LRRC41: variants seen among roughly 807,000 people sequenced by gnomAD.
The protein encoded by LRRC41 is leucine rich repeat containing 41.
LRRC41 carries 17 observed loss-of-function variants against 72.1 expected under a neutral mutation model. The ratio of observed to expected loss-of-function variants is 0.24; its 90% CI spans 0.16 to 0.35. LRRC41 has a LOEUF of 0.35. Among genes scored for constraint, LRRC41 ranks in the 10% least tolerant of loss-of-function variants. The pLI is 1.00. For missense variants in LRRC41, 759 were observed against 1,065.0 expected (o/e 0.71, Z 4.00); for synonymous variants, 427 against 431.0 (o/e 0.99, Z 0.11).
At chr1:46,294,441 A>G (rs1661080782) in intron 3 of LRRC41, among the ~76,000 whole-genome samples, 1 of 151,390 alleles carries the variant, frequency 6.6e-6, no homozygotes, top group Non-Finnish European at 1.5e-5. Context: ...GTGGTTTTGC[A>G]CTGTCCCCCA....
At chr1:46,290,668 A>G (rs1660991606) in intron 3 of LRRC41, among the ~76,000 whole-genome samples, 1 of 141,230 alleles carries the variant, frequency 7.1e-6, no homozygotes. Context: ...GTGCAGTGGT[A>G]CAATATTAGC....
chr1:46,290,666 G>A, intron 3 of LRRC41, among the ~76,000 whole-genome samples: 1 of 149,366 alleles, frequency 6.7e-6, no homozygotes. Context: ...GAGTGCAGTG[G>A]TACAATATTA....
chr1:46,297,945 G>T (rs1277991867), intron 2 of LRRC41, among the ~76,000 whole-genome samples: 1 of 152,204 alleles, frequency 6.6e-6, no homozygotes, highest in African/African-American at 2.4e-5. Flanking sequence ...GACAATGCTT[G>T]ACACATTAGG....
intron 3 of LRRC41, among the ~76,000 whole-genome samples, chr1:46,292,016 T>C (rs866959108): frequency 1.3e-5 from 2 of 151,762 alleles, no homozygotes; most frequent in Admixed American, 6.6e-5. Context: ...CCAGCTAATT[T>C]TTAAAAATTA....
rs367762435 is a variant in LRRC41 at position 46,286,027 on chromosome 1, C to T, written c.830G>A (p.Arg277Gln). The change falls in exon 4 of 10, where the codon CGA becomes CAA. Residue 277 changes from arginine (R) to glutamine (Q), a missense_variant. Physicochemically the swap from Arg to Gln is conservative, Grantham distance 43 (BLOSUM62 1). Coordinates refer to ENST00000617190, the MANE Select transcript of LRRC41 (RefSeq NM_006369.5). The surrounding 1 kb of genome is among the most constrained non-coding windows in gnomAD (Gnocchi z 5.5). The stretch of plus-strand genomic sequence containing the variant: ...GCCCAATAAGAGGGACCCTTCATCT[C>T]GGGATGGGGCCCGGCCTCGGGAGGC... Reference protein sequence around the residue: ...GEASRGRAPSRDEGSLLLGSR... With the variant: ...GEASRGRAPSQDEGSLLLGSR... The T allele has an allele frequency of 2.3e-5, 37 of 1,580,356 alleles. No individual in the cohort carries two copies. The highest frequency in any genetic ancestry group is 1.8e-4 in the African/African-American group (13 of 73,996).
At position 46,280,475 on chromosome 1, in the gene LRRC41, A is replaced by T. The variant is rs993339690; in HGVS notation, c.1842T>A (p.Gly614=). ...PLLCSVLKAS[G]SLQQLSLDSA... is the part of the protein sequence containing the mutation. The stretch of plus-strand genomic sequence containing the variant: ...TATCCAGGGACAGCTGCTGCAGAGA[A>T]CCCGAGGCCTTCAGAACGGAGCACA... Residue 614 remains glycine (G), a synonymous_variant, in exon 6 of 10, where the codon GGT becomes GGA. Coordinates refer to ENST00000617190, the MANE Select transcript of LRRC41 (RefSeq NM_006369.5). The T allele has an allele frequency of 1.8e-5, 29 of 1,614,152 alleles. No homozygotes were observed. The highest frequency in any genetic ancestry group is 2.4e-5 in the Non-Finnish European group (28 of 1,180,010).
At chr1:46,293,725 A>G (rs1661065015) in intron 3 of LRRC41, among the ~76,000 whole-genome samples, 1 of 151,732 alleles carries the variant, frequency 6.6e-6, no homozygotes, top group Admixed American at 6.6e-5. Context: ...GTGTGCCACC[A>G]CGCCCGGCTA....
chr1:46,282,317 A>T (rs1660796059), intron 4 of LRRC41, among the ~76,000 whole-genome samples: 1 of 152,230 alleles, frequency 6.6e-6, no homozygotes, highest in Admixed American at 6.5e-5. Flanking sequence ...GCAGGAAAAG[A>T]TAACCAAATC....
At chr1:46,280,586 C>T in intron 5 of LRRC41, 26 bp from the exon 6 acceptor site, 2 of 1,609,316 alleles carry the variant, frequency 1.2e-6, no homozygotes, top group Non-Finnish European at 1.7e-6. Context: ...AAAGAAGATT[C>T]CAGCTGGCCA....
chr1:46,293,795 A>T (rs915761741), intron 3 of LRRC41, among the ~76,000 whole-genome samples: 1 of 151,118 alleles, frequency 6.6e-6, no homozygotes, highest in Non-Finnish European at 1.5e-5. Context: ...TCAGAGTCTC[A>T]CTATGTCACC....
At chr1:46,288,246 G>T (rs1419561690) in intron 3 of LRRC41, among the ~76,000 whole-genome samples, 1 of 152,092 alleles carries the variant, frequency 6.6e-6, no homozygotes, top group Non-Finnish European at 1.5e-5. Flanking sequence ...AGACCCCAAA[G>T]TTTCTAATTT....
chr1:46,300,476 G>C (rs547366836), intron 1 of LRRC41: 1 of 152,188 alleles, frequency 6.6e-6, no homozygotes. Flanking sequence ...CTCGATGTAC[G>C]GGCTGAATGA....
intron 3 of LRRC41, among the ~76,000 whole-genome samples, chr1:46,293,583 AT>A (rs1400592366): frequency 3.3e-5 from 5 of 151,466 alleles, no homozygotes; most frequent in Non-Finnish European, 7.4e-5. Context: ...TGGTTTTATT[AT>A]TTTTGGAGAC....
chr1:46,291,475 T>C (rs1359589304), intron 3 of LRRC41, among the ~76,000 whole-genome samples: 5 of 151,466 alleles, frequency 3.3e-5, no homozygotes, highest in African/African-American at 4.9e-5. Context: ...GTAGGGACTA[T>C]AGACGCATGC....
chr1:46,293,355 TCA>T (rs1353794298), intron 3 of LRRC41, among the ~76,000 whole-genome samples: 1 of 152,006 alleles, frequency 6.6e-6, no homozygotes, highest in Non-Finnish European at 1.5e-5. Context: ...TCCTCCTGCC[TCA>T]GCCTCCCTAA....
At chr1:46,280,923 T>A (rs978692090) in intron 5 of LRRC41, among the ~76,000 whole-genome samples, 1 of 152,104 alleles carries the variant, frequency 6.6e-6, no homozygotes, top group African/African-American at 2.4e-5. Context: ...CCTTGGTCAC[T>A]CTCTGCTGGT....
chr1:46,278,280 T>A lies in LRRC41; in HGVS notation c.*585A>T. 6.2e-7 allele frequency: 1 copy of A among 1,611,216 alleles called. No homozygotes were observed. Among genetic ancestry groups the A allele is most frequent in the Non-Finnish European group, 8.5e-7 (1 of 1,179,080 alleles). On this transcript the variant is annotated 3_prime_UTR_variant, in exon 10 of 10. Transcript: ENST00000617190. ...TCATGAGGAGCAGCGGGGCCTCCGC[T>A]GATAACCAGCTGGTCTGGGTGTAGC... is the stretch of plus-strand genomic sequence containing the variant.
chr1:46,292,849 T>TA (rs1661045759), intron 3 of LRRC41, among the ~76,000 whole-genome samples: 1 of 152,256 alleles, frequency 6.6e-6, no homozygotes, highest in African/African-American at 2.4e-5. Context: ...TTTATGTGGT[T>TA]AAATATGTCT....
intron 1 of LRRC41, 33 bp from the exon 2 acceptor site, chr1:46,298,403 TCCCCTC>T: frequency 3.6e-6 from 5 of 1,388,300 alleles, no homozygotes; most frequent in East Asian, 2.3e-5. Context: ...TTACTTTTCC[TCCCCTC>T]CCCCTCCCAC....
Sources: gnomAD v4.1 joint callset for allele counts (sites outside exome capture counted in the v4.1 genomes callset) on GRCh38, gnomAD v4.1.1 for gene constraint, Gnocchi (gnomAD v3.1) non-coding constraint, MANE v1.5 for transcripts, NCBI Gene and HGNC (gene_info 2026-07-23, HGNC 2026-07-21) for gene names.